The following IMMP1L variants were observed in gnomAD, a reference collection of about 807,000 sequenced individuals.
The protein encoded by IMMP1L is inner mitochondrial membrane peptidase subunit 1.
Under a neutral mutation model 21.8 loss-of-function variants are expected in IMMP1L, and 24 were observed. The ratio of observed to expected loss-of-function variants is 1.10; its 90% CI spans 0.80 to 1.55. The LOEUF is 1.55. IMMP1L is among the 40% of genes most tolerant of loss of function. The probability of loss-of-function intolerance (pLI) is 0.00; values close to 1 mark genes in which losing one functional copy is unlikely to be tolerated. For synonymous variants in IMMP1L, 46 were observed against 62.8 expected (o/e 0.73, Z 1.26); for missense variants, 195 against 200.7 (o/e 0.97, Z 0.17).
intron 4 of IMMP1L, among the ~76,000 whole-genome samples, chr11:31,450,326 C>A (rs1953703064): frequency 6.6e-6 from 1 of 152,178 alleles, no homozygotes; most frequent in South Asian, 2.1e-4. Context: ...CATAGCATTT[C>A]AGGGGCACCA....
chr11:31,483,749 T>C (rs796734903), intron 1 of IMMP1L, among the ~76,000 whole-genome samples: 3 of 152,126 alleles, frequency 2.0e-5, no homozygotes, highest in African/African-American at 7.2e-5. Context: ...TAATCATGAA[T>C]GTGTATTACT....
chr11:31,480,214 T>G lies in IMMP1L; in HGVS notation c.-29-16909A>C, dbSNP rs1267628590. Among the ~76,000 whole-genome samples, 6 of 152,192 alleles carry G rather than the reference T, an allele frequency of 3.9e-5. No individual in the cohort carries two copies. In the East Asian group the frequency reaches 1.2e-3, roughly 29 times the overall value. ...ATTGTAATTGGTTACATTCAAATTT[T>G]TAAAGTACATTTAAGTAATAACTAC... is the stretch of plus-strand genomic sequence containing the variant. On this transcript the variant is annotated intron_variant, in intron 1 of 5. Transcript: ENST00000532287.
chr11:31,468,672 C>T (rs1334735531), intron 1 of IMMP1L, among the ~76,000 whole-genome samples: 1 of 152,094 alleles, frequency 6.6e-6, no homozygotes, highest in Non-Finnish European at 1.5e-5. Flanking sequence ...TTCTCTCATA[C>T]AGCTTATAGT....
intron 1 of IMMP1L, among the ~76,000 whole-genome samples, chr11:31,468,048 A>C (rs1391470301): frequency 6.6e-6 from 1 of 152,162 alleles, no homozygotes. Flanking sequence ...AAATTTAATG[A>C]AAGGAAAAAT....
Position 31,461,721 on chromosome 11 carries a change from G to A in IMMP1L, c.106-1007C>T, listed in dbSNP as rs185260188. Among the ~76,000 whole-genome samples the A allele has an allele frequency of 1.1e-3, 174 of 152,062 alleles. 1 individual carries two copies. Among genetic ancestry groups the A allele is most frequent in the African/African-American group, 3.6e-3 (151 of 41,470 alleles). On this transcript the variant is annotated intron_variant, in intron 2 of 5. Coordinates refer to ENST00000532287, the MANE Select transcript of IMMP1L (RefSeq NM_001304274.2). ...AAATGAATTTTGCGTTCAGACTTGG[G>A]TCCCATCCCCAAAATATCTCATTAT...
chr11:31,467,470 T>A (rs1191692192), intron 1 of IMMP1L, among the ~76,000 whole-genome samples: 1 of 152,138 alleles, frequency 6.6e-6, no homozygotes, highest in Non-Finnish European at 1.5e-5. Context: ...AATGGCCAAA[T>A]GTGGGACAAT....
chr11:31,469,269 A>G (rs1182319076), intron 1 of IMMP1L, among the ~76,000 whole-genome samples: 3 of 152,162 alleles, frequency 2.0e-5, no homozygotes, highest in Non-Finnish European at 4.4e-5. Flanking sequence ...CCAAGAGAAA[A>G]AAAAGTACAA....
At position 31,460,717 on chromosome 11, in the gene IMMP1L, G is replaced by A. The variant is rs140884488; in HGVS notation, c.106-3C>T. The A allele has an allele frequency of 1.5e-3, 2,357 of 1,538,000 alleles. 1 individual carries two copies. Among genetic ancestry groups the A allele is most frequent in the Non-Finnish European group, 1.9e-3 (2,163 of 1,117,042 alleles). Reference sequence around the variant, plus strand: ...GGCTCCATTGATGGTCCAGAACACTGAAAAGAGAGGTAATTTGTAATCTAA... The same window carrying A: ...GGCTCCATTGATGGTCCAGAACACTAAAAAGAGAGGTAATTTGTAATCTAA... On this transcript the variant is annotated splice_region_variant and splice_polypyrimidine_tract_variant and intron_variant, in intron 2 of 5. Coordinates refer to ENST00000532287, the MANE Select transcript of IMMP1L (RefSeq NM_001304274.2).
intron 1 of IMMP1L, among the ~76,000 whole-genome samples, chr11:31,467,169 T>C (rs962586460): frequency 6.6e-6 from 1 of 152,152 alleles, no homozygotes. Flanking sequence ...CATTTCTCAC[T>C]GTGAGAAAAA....
intron 1 of IMMP1L, among the ~76,000 whole-genome samples, chr11:31,499,396 A>AAAACAAAAC (rs1565015504): frequency 1.2e-4 from 15 of 124,438 alleles, no homozygotes; most frequent in African/African-American, 6.3e-4. Context: ...CAAAACAAAA[A>AAAACAAAAC]ACACTACACT....
At chr11:31,478,213 T>G (rs1954785490) in intron 1 of IMMP1L, among the ~76,000 whole-genome samples, 1 of 152,196 alleles carries the variant, frequency 6.6e-6, no homozygotes, top group South Asian at 2.1e-4. Context: ...TGCTCTGCAA[T>G]ATGCAGTGCA....
intron 2 of IMMP1L, among the ~76,000 whole-genome samples, chr11:31,462,195 G>A (rs1232960216): frequency 6.6e-6 from 1 of 151,742 alleles, no homozygotes; most frequent in Non-Finnish European, 1.5e-5. Context: ...TGCGCCTGTA[G>A]TCCTAGCTAC....
intron 1 of IMMP1L, among the ~76,000 whole-genome samples, chr11:31,466,663 G>GA (rs1424673041): frequency 6.6e-6 from 1 of 152,012 alleles, no homozygotes; most frequent in African/African-American, 2.4e-5. Flanking sequence ...GGCACAGGAA[G>GA]AAAAATACCT....
chr11:31,482,229 C>A (rs1954918437), intron 1 of IMMP1L, among the ~76,000 whole-genome samples: 1 of 151,960 alleles, frequency 6.6e-6, no homozygotes, highest in Middle Eastern at 3.2e-3. Context: ...TAAATACAGA[C>A]TGAAATTTTA....
At chr11:31,451,157 G>A (rs1953741298) in intron 4 of IMMP1L, among the ~76,000 whole-genome samples, 1 of 152,060 alleles carries the variant, frequency 6.6e-6, no homozygotes, top group African/African-American at 2.4e-5. Flanking sequence ...GATTATGCAG[G>A]GTCTTGCAGG....
chr11:31,443,937 G>C (rs1007008866), intron 4 of IMMP1L, among the ~76,000 whole-genome samples: 3 of 152,136 alleles, frequency 2.0e-5, no homozygotes, highest in African/African-American at 7.2e-5. Context: ...CTGCTGAGTA[G>C]GTTTAAAGCT....
At chr11:31,457,082 T>G (rs1016260507) in intron 3 of IMMP1L, among the ~76,000 whole-genome samples, 1 of 151,868 alleles carries the variant, frequency 6.6e-6, no homozygotes, top group Non-Finnish European at 1.5e-5. Context: ...CATCCATGTT[T>G]CCCTAGAACT....
intron 1 of IMMP1L, among the ~76,000 whole-genome samples, chr11:31,476,378 G>A (rs150299125): frequency 9.3e-4 from 142 of 151,940 alleles, no homozygotes; most frequent in African/African-American, 3.2e-3. Flanking sequence ...AACCAAACCC[G>A]GGAACTCTGT....
chr11:31,458,597 A>G (rs1954027469), intron 3 of IMMP1L, among the ~76,000 whole-genome samples: 1 of 152,118 alleles, frequency 6.6e-6, no homozygotes. Flanking sequence ...TAACAACAGG[A>G]CACCTTGCCA....
Sources: gnomAD v4.1 joint callset for allele counts (sites outside exome capture counted in the v4.1 genomes callset) on GRCh38, gnomAD v4.1.1 for gene constraint, MANE v1.5 for transcripts, NCBI Gene and HGNC (gene_info 2026-07-23, HGNC 2026-07-21) for gene names.